The following MBNL2 variants were observed in gnomAD, a reference collection of about 807,000 sequenced individuals.
The protein encoded by MBNL2 is muscleblind like splicing regulator 2, also known as muscleblind-like protein 2.
A neutral mutation model predicts 41.9 loss-of-function variants in MBNL2; 17 were observed. That is an observed-to-expected ratio of 0.41 (90% CI 0.28 to 0.61). The LOEUF is 0.61. MBNL2 is among the 20% of genes least tolerant of loss of function. The probability of loss-of-function intolerance (pLI) is 0.35; values close to 1 mark genes in which losing one functional copy is unlikely to be tolerated. For missense variants in MBNL2, 336 were observed against 505.6 expected, an observed-to-expected ratio of 0.66 and a Z score of 3.22; for synonymous variants, 195 against 182.9, an observed-to-expected ratio of 1.07 and a Z score of -0.53.
chr13:97,190,769 C>T, the MBNL2 span, among the ~76,000 whole-genome samples: 3 of 152,196 alleles, frequency 2.0e-5, no homozygotes, highest in Non-Finnish European at 2.9e-5. Context: ...CAGTTATCCT[C>T]TCCTCTGAAT....
intron 5 of MBNL2, among the ~76,000 whole-genome samples, chr13:97,356,038 A>G (rs964575408): frequency 5.9e-5 from 9 of 152,232 alleles, no homozygotes; most frequent in African/African-American, 1.9e-4. Flanking sequence ...GTTGTTAGAA[A>G]CAAGATGATG....
intron 8 of MBNL2, among the ~76,000 whole-genome samples, chr13:97,389,738 A>G (rs2066248114): frequency 6.6e-6 from 1 of 151,578 alleles, no homozygotes; most frequent in Non-Finnish European, 1.5e-5. Flanking sequence ...GAAAGAAAGA[A>G]ACTGCAATTT....
At chr13:97,333,946 A>G (rs7490179) in intron 2 of MBNL2, among the ~76,000 whole-genome samples, 2 of 131,514 alleles carry the variant, frequency 1.5e-5, no homozygotes, top group African/African-American at 6.7e-5. Context: ...AAGAAAGAAA[A>G]GAAAGAAAGA....
At chr13:97,165,341 G>A in the MBNL2 span, among the ~76,000 whole-genome samples, 1 of 152,052 alleles carries the variant, frequency 6.6e-6, no homozygotes, top group Non-Finnish European at 1.5e-5. Context: ...TTTAATTGGG[G>A]CTTTGCTATT....
At chr13:97,302,203 T>C (rs1218587933) in intron 2 of MBNL2, among the ~76,000 whole-genome samples, 1 of 152,188 alleles carries the variant, frequency 6.6e-6, no homozygotes, top group Non-Finnish European at 1.5e-5. Flanking sequence ...ACCCAAGCCA[T>C]AAACAATTCT....
At chr13:97,311,636 A>G (rs1402445683) in intron 2 of MBNL2, among the ~76,000 whole-genome samples, 2 of 148,530 alleles carry the variant, frequency 1.3e-5, no homozygotes, top group Non-Finnish European at 3.0e-5. Flanking sequence ...ATAGCGTTGG[A>G]TTTTTAGAGG....
Position 97,238,822 on chromosome 13 carries a change from T to C in MBNL2, c.-605+16291T>C, listed in dbSNP as rs143572774. On this transcript the variant is annotated intron_variant, in intron 1 of 8. Coordinates refer to ENST00000679496, the MANE Select transcript of MBNL2 (RefSeq NM_001382683.1). ...GGCACCTGGGGCAACTTTTGGCTCA[T>C]TGGAGGCTGCCTGCTGGGGATTCAT... is the stretch of plus-strand genomic sequence containing the variant. 3.3e-3 allele frequency among the ~76,000 whole-genome samples: 509 copies of C among 152,266 alleles called. 7 individuals carry two copies. The highest frequency in any genetic ancestry group is 0.012 in the African/African-American group (490 of 41,538).
At chr13:97,165,924 A>T in the MBNL2 span, among the ~76,000 whole-genome samples, 1 of 152,232 alleles carries the variant, frequency 6.6e-6, no homozygotes, top group Non-Finnish European at 1.5e-5. Flanking sequence ...CAGGAGCTGT[A>T]AGCTATTACT....
At position 97,363,378 on chromosome 13, in the gene MBNL2, G is replaced by A. The variant is rs193165014; in HGVS notation, c.1013-1758G>A. Among the ~76,000 whole-genome samples, 875 of 150,906 alleles carry A rather than the reference G, an allele frequency of 5.8e-3. 11 individuals carry two copies. The highest frequency in any genetic ancestry group is 7.2e-3 in the Non-Finnish European group (487 of 67,814). ...TAGAGAGGGTGAGGGAAGGAAGATC[G>A]TTCAGCAAAGTAGACAAAGGGAGTT... On this transcript the variant is annotated intron_variant, in intron 7 of 8. Coordinates refer to ENST00000679496, the MANE Select transcript of MBNL2 (RefSeq NM_001382683.1).
At chr13:97,187,221 T>C in the MBNL2 span, among the ~76,000 whole-genome samples, 7 of 152,144 alleles carry the variant, frequency 4.6e-5, no homozygotes, top group Non-Finnish European at 1.0e-4. Context: ...GACCCAGCCT[T>C]ATTGTTTTTC....
At chr13:97,150,656 T>C in the MBNL2 span, among the ~76,000 whole-genome samples, 44 of 152,282 alleles carry the variant, frequency 2.9e-4, 2 homozygotes, top group East Asian at 7.7e-3. Flanking sequence ...TGGGGCTGTT[T>C]ATGCCTGGCC....
intron 1 of MBNL2, among the ~76,000 whole-genome samples, chr13:97,235,302 T>C (rs989238666): frequency 6.6e-6 from 1 of 152,224 alleles, no homozygotes; most frequent in African/African-American, 2.4e-5. Context: ...TTTGCATTTT[T>C]AACAAAAATT....
chr13:97,383,169 A>C (rs1383476416), intron 8 of MBNL2, among the ~76,000 whole-genome samples: 1 of 152,218 alleles, frequency 6.6e-6, no homozygotes, highest in Non-Finnish European at 1.5e-5. Flanking sequence ...CATGAGAGCC[A>C]CAGAAATGAT....
rs146474212 is a variant in MBNL2 at position 97,281,970 on chromosome 13, T to A, written c.174+5561T>A. On this transcript the variant is annotated intron_variant, in intron 2 of 8. Coordinates refer to ENST00000679496, the MANE Select transcript of MBNL2 (RefSeq NM_001382683.1). ...CCTTCTCGTAACTGCTCTTACTGAA[T>A]AAATCACTGATGTGGTTAATTTCAA... Among the ~76,000 whole-genome samples, 715 of 152,018 alleles carry A rather than the reference T, an allele frequency of 4.7e-3. 6 individuals are homozygous for A. Among genetic ancestry groups the A allele is most frequent in the African/African-American group, 0.016 (675 of 41,472 alleles).
chr13:97,148,174 G>C, the MBNL2 span, among the ~76,000 whole-genome samples: 2 of 152,212 alleles, frequency 1.3e-5, no homozygotes, highest in African/African-American at 2.4e-5. Context: ...ACAATGTCCA[G>C]TTGAGACCTC....
chr13:97,299,096 T>C (rs1405928009), intron 2 of MBNL2, among the ~76,000 whole-genome samples: 1 of 152,210 alleles, frequency 6.6e-6, no homozygotes, highest in Non-Finnish European at 1.5e-5. Flanking sequence ...ATTATTGTGC[T>C]GGTCTGAAGA....
At chr13:97,279,362 GT>G (rs1336636699) in intron 2 of MBNL2, among the ~76,000 whole-genome samples, 2 of 152,180 alleles carry the variant, frequency 1.3e-5, no homozygotes, top group African/African-American at 4.8e-5. Flanking sequence ...ACTTCATAAG[GT>G]TACTTCAAAG....
intron 2 of MBNL2, among the ~76,000 whole-genome samples, chr13:97,295,694 C>T (rs1349672191): frequency 6.6e-6 from 1 of 152,038 alleles, no homozygotes; most frequent in African/African-American, 2.4e-5. Context: ...CAGGAGATGA[C>T]AGGATAGGAC....
intron 5 of MBNL2, among the ~76,000 whole-genome samples, chr13:97,350,218 T>C: frequency 6.6e-6 from 1 of 152,262 alleles, no homozygotes; most frequent in East Asian, 1.9e-4. Context: ...AAGAACATTA[T>C]GTCTGAAGAA....
Sources: allele counts gnomAD v4.1 joint callset (sites outside exome capture counted in the v4.1 genomes callset), GRCh38; gene constraint gnomAD v4.1.1; transcripts MANE v1.5; gene names NCBI Gene and HGNC (gene_info 2026-07-23, HGNC 2026-07-21).